Variants in TOR1B observed in about 807,000 individuals in gnomAD.
The protein encoded by TOR1B is torsin-1B.
Under a neutral mutation model 29.2 loss-of-function variants are expected in TOR1B, and 14 were observed. The ratio of observed to expected loss-of-function variants is 0.48; its 90% CI spans 0.32 to 0.75. TOR1B has a LOEUF of 0.75. Among genes scored for constraint, TOR1B ranks in the 30% least tolerant of loss-of-function variants. The pLI, the probability that TOR1B is intolerant of heterozygous loss-of-function variation, is 0.04. For missense variants in TOR1B, 400 were observed against 433.9 expected (o/e 0.92, Z 0.69); for synonymous variants, 166 against 179.8 (o/e 0.92, Z 0.62).
rs1198156212 is a variant in TOR1B, at chr9:129,809,424, G to A, written c.852G>A (p.Val284=). The change falls in exon 5 of 5, where the codon GTG becomes GTA. Residue 284 remains valine (V), a synonymous_variant. Transcript: ENST00000259339. ...IPFLPLEYRH[V]KMCVRAEMRA... is the part of the protein sequence containing the mutation. Reference sequence around the variant, plus strand: ...TCCTGCCTTTGGAGTACAGACATGTGAAAATGTGTGTGAGGGCCGAGATGA... The same window carrying A: ...TCCTGCCTTTGGAGTACAGACATGTAAAAATGTGTGTGAGGGCCGAGATGA... 3 of 1,614,232 alleles carry A rather than the reference G, an allele frequency of 1.9e-6. No homozygotes were observed. The highest frequency in any genetic ancestry group is 2.5e-6 in the Non-Finnish European group (3 of 1,180,042).
intron 2 of TOR1B, among the ~76,000 whole-genome samples, chr9:129,805,464 G>A (rs527344302): frequency 2.6e-4 from 40 of 151,934 alleles, no homozygotes; most frequent in Non-Finnish European, 4.6e-4. Flanking sequence ...GGAGCCCAGA[G>A]GCAAGGTGAC....
At chr9:129,805,800 C>CA (rs945423408) in intron 2 of TOR1B, among the ~76,000 whole-genome samples, 4 of 152,302 alleles carry the variant, frequency 2.6e-5, no homozygotes, top group Admixed American at 2.6e-4. Flanking sequence ...AAGGAAGCCT[C>CA]AAAGAACTGA....
chr9:129,809,653 AC>A lies in TOR1B; in HGVS notation c.*73del. The A allele has an allele frequency of 6.3e-7, 1 of 1,588,198 alleles. No individual in the cohort carries two copies. The highest frequency in any genetic ancestry group is 1.7e-4 in the Middle Eastern group (1 of 5,814). On this transcript the variant is annotated 3_prime_UTR_variant, in exon 5 of 5. Transcript: ENST00000259339. The stretch of plus-strand genomic sequence containing the variant: ...GCCAGAGGCCTTGCCTTTCAGAAGA[AC>A]CCTGAAGACCGCTTTGGGGTTTTGC...
rs118167416 is a variant in TOR1B at position 129,807,040 on chromosome 9, A to C, written c.466-148A>C. 2.5e-4 allele frequency: 166 copies of C among 667,816 alleles called. No individual in the cohort carries two copies. The East Asian group carries it at 4.4e-3, about 18-fold the overall frequency. 41.4% of individuals were successfully genotyped at this position (667,816 alleles called of 1,614,324 possible). On this transcript the variant is annotated intron_variant, in intron 2 of 4. Coordinates refer to ENST00000259339, the MANE Select transcript of TOR1B (RefSeq NM_014506.3). ...ACTTTTTAGAGATAAGGTTTTAGAA[A>C]AGCTGCTACCTAGCGAGTGGGGGTG...
At chr9:129,803,641 G>T (rs2030298334) in intron 1 of TOR1B, among the ~76,000 whole-genome samples, 1 of 152,236 alleles carries the variant, frequency 6.6e-6, no homozygotes, top group African/African-American at 2.4e-5. Context: ...CTGCCCCAGC[G>T]CCTTTCTAAA....
At position 129,809,900 on chromosome 9, in the gene TOR1B, C is replaced by G. The variant is rs2030745950; in HGVS notation, c.*317C>G. ...GAATCTAAGAGTTGATTGTGGAAAA[C>G]ACGTGAATCTATTGCGCGCATTTGT... On this transcript the variant is annotated 3_prime_UTR_variant, in exon 5 of 5. Transcript: ENST00000259339. 1 of 1,248,192 alleles carries G rather than the reference C, an allele frequency of 8.0e-7. No individual in the cohort carries two copies. 77.3% of individuals were successfully genotyped at this position (1,248,192 alleles called of 1,614,324 possible). A position where few individuals can be genotyped will look rare whatever the true frequency, so the allele number is the denominator to read the frequency against.
intron 1 of TOR1B, 123 bp from the exon 2 acceptor site, chr9:129,803,950 G>A: frequency 3.9e-6 from 5 of 1,297,284 alleles, no homozygotes; most frequent in Non-Finnish European, 5.3e-6. Flanking sequence ...CTAGGGTGTG[G>A]CAGACACCCT....
chr9:129,808,543 CTTTT>C (rs763409733), intron 3 of TOR1B, among the ~76,000 whole-genome samples: 5,018 of 77,680 alleles, frequency 0.065, 206 homozygotes, highest in African/African-American at 0.2. Context: ...ACACAGAAGT[CTTTT>C]TTTTTTTTTT....
chr9:129,809,916 G>A lies in TOR1B; in HGVS notation c.*333G>A, dbSNP rs562333783. The A allele has an allele frequency of 2.0e-5, 25 of 1,220,744 alleles. No individual in the cohort carries two copies. The highest frequency in any genetic ancestry group is 2.0e-4 in the South Asian group (12 of 60,168). The allele number at this position is 1,220,744 out of a possible 1,614,324, so 75.6% of individuals were successfully genotyped here. A position where few individuals can be genotyped will look rare whatever the true frequency, so the allele number is the denominator to read the frequency against. ...TGTGGAAAACACGTGAATCTATTGCGCGCATTTGTCATTTAGCAAGATGGC... is the reference window on the plus strand; with the variant it reads ...TGTGGAAAACACGTGAATCTATTGCACGCATTTGTCATTTAGCAAGATGGC... On this transcript the variant is annotated 3_prime_UTR_variant, in exon 5 of 5. Coordinates refer to ENST00000259339, the MANE Select transcript of TOR1B (RefSeq NM_014506.3).
intron 2 of TOR1B, 46 bp downstream of exon 2, chr9:129,804,384 T>G: frequency 6.3e-7 from 1 of 1,596,130 alleles, no homozygotes; most frequent in Non-Finnish European, 8.6e-7. Context: ...GTCGGACTGG[T>G]CCGGGTGACC....
intron 2 of TOR1B, among the ~76,000 whole-genome samples, chr9:129,806,474 G>A (rs1443164307): frequency 6.6e-6 from 1 of 152,316 alleles, no homozygotes; most frequent in African/African-American, 2.4e-5. Flanking sequence ...CTGGGGCACT[G>A]TGTACTGTGC....
rs1357267789 is a variant in TOR1B at position 129,810,112 on chromosome 9, T to TC, written c.*531dup. 4 of 1,293,764 alleles carry TC rather than the reference T, an allele frequency of 3.1e-6. No homozygotes were observed. In the East Asian group the frequency reaches 2.2e-4, roughly 73 times the overall value. The allele number at this position is 1,293,764 out of a possible 1,614,324, so 80.1% of individuals were successfully genotyped here. ...GAAGCTACGGTCACAACTAAAGGAG[T>TC]CCAGGGACTTGCTGCAGGCTGGGGG... On this transcript the variant is annotated 3_prime_UTR_variant, in exon 5 of 5. Transcript: ENST00000259339.
At position 129,810,361 on chromosome 9, in the gene TOR1B, G is replaced by A; in HGVS notation, c.*778G>A. On this transcript the variant is annotated 3_prime_UTR_variant, in exon 5 of 5. Transcript: ENST00000259339. ...TGTGTGTGTGTGTGTGGGGGGGTGG[G>A]GCCTTCACCTAAGACCTCTGCAGCA... The A allele has an allele frequency of 1.0e-6, 1 of 967,076 alleles. No individual in the cohort carries two copies. 59.9% of individuals were successfully genotyped at this position (967,076 alleles called of 1,614,324 possible).
chr9:129,805,622 C>G (rs1005995490), intron 2 of TOR1B, among the ~76,000 whole-genome samples: 1 of 152,218 alleles, frequency 6.6e-6, no homozygotes, highest in Non-Finnish European at 1.5e-5. Flanking sequence ...GGCAGTCAGT[C>G]TTCAAGGATT....
At chr9:129,808,540 A>G (rs780936156) in intron 3 of TOR1B, among the ~76,000 whole-genome samples, 6 of 136,854 alleles carry the variant, frequency 4.4e-5, no homozygotes, top group Non-Finnish European at 7.7e-5. Context: ...AAGACACAGA[A>G]GTCTTTTTTT....
intron 2 of TOR1B, 140 bp from the exon 3 acceptor site, chr9:129,807,048 A>G (rs2030522192): frequency 2.8e-6 from 2 of 705,056 alleles, no homozygotes; most frequent in Non-Finnish European, 4.7e-6. Context: ...AAAAGCTGCT[A>G]CCTAGCGAGT....
intron 2 of TOR1B, 52 bp downstream of exon 2, chr9:129,804,390 T>G (rs1588207057): frequency 1.3e-6 from 2 of 1,590,218 alleles, no homozygotes; most frequent in Non-Finnish European, 1.7e-6. Flanking sequence ...CTGGTCCGGG[T>G]GACCTGCTCA....
chr9:129,804,121 C>T lies in TOR1B; in HGVS notation c.248C>T (p.Thr83Met), dbSNP rs2030328290. Reference protein sequence around the residue: ...EEKLFGQHLATEVIFKALTGF... With the variant: ...EEKLFGQHLAMEVIFKALTGF... ...AAGCTGTTTGGACAGCATCTAGCCACGGAAGTGATTTTCAAGGCGCTGACT... is the reference window on the plus strand; with the variant it reads ...AAGCTGTTTGGACAGCATCTAGCCATGGAAGTGATTTTCAAGGCGCTGACT... The change falls in exon 2 of 5, where the codon ACG (threonine) becomes ATG (methionine). Residue 83 changes from threonine to methionine, a missense_variant. Physicochemically the swap from Thr to Met is moderately conservative, Grantham distance 81. Transcript: ENST00000259339. 2 of 1,614,176 alleles carry T rather than the reference C, an allele frequency of 1.2e-6. No individual in the cohort carries two copies. The highest frequency in any genetic ancestry group is 8.5e-7 in the Non-Finnish European group (1 of 1,180,036).
chr9:129,807,514 A>G (rs1282512443), intron 3 of TOR1B, 151 bp downstream of exon 3: 2 of 938,798 alleles, frequency 2.1e-6, no homozygotes, highest in African/African-American at 1.6e-5. Flanking sequence ...TTCCTTTGCC[A>G]GTCTCAGCAT....
Sources: allele counts gnomAD v4.1 joint callset (sites outside exome capture counted in the v4.1 genomes callset), GRCh38; gene constraint gnomAD v4.1.1; transcripts MANE v1.5; gene names NCBI Gene and HGNC (gene_info 2026-07-23, HGNC 2026-07-21).